Variants in KDM5A observed in about 807,000 individuals in gnomAD.
KDM5A encodes the protein lysine demethylase 5A, also known as lysine-specific demethylase 5A.
A neutral mutation model predicts 193.5 loss-of-function variants in KDM5A; 42 were observed. That is an observed-to-expected ratio of 0.22 (90% CI 0.17 to 0.28). The LOEUF (loss-of-function observed/expected upper bound fraction) is 0.28. Among genes scored for constraint, KDM5A ranks in the 10% least tolerant of loss-of-function variants. The probability of loss-of-function intolerance (pLI) is 1.00; values close to 1 mark genes in which losing one functional copy is unlikely to be tolerated. For synonymous variants in KDM5A, 796 were observed against 718.1 expected (o/e 1.11, Z -1.73); for missense variants, 1,692 against 2,055.1 (o/e 0.82, Z 3.42).
Position 348,080 on chromosome 12 carries a change from A to G in KDM5A, c.1308+2541T>C, listed in dbSNP as rs547500317. On this transcript the variant is annotated intron_variant, in intron 10 of 27. Coordinates refer to ENST00000399788, the MANE Select transcript of KDM5A (RefSeq NM_001042603.3). ...ACAAATTTACAAGAAAAAAACAAAC[A>G]ACCCCATCAAAAAGTGGGCAAAGGA... Among the ~76,000 whole-genome samples, 18 of 152,272 alleles carry G rather than the reference A, an allele frequency of 1.2e-4. No homozygotes were observed. The East Asian group carries it at 1.7e-3, about 15-fold the overall frequency.
At chr12:287,447 A>G (rs1943232752) in intron 27 of KDM5A, among the ~76,000 whole-genome samples, 1 of 152,086 alleles carries the variant, frequency 6.6e-6, no homozygotes, top group Non-Finnish European at 1.5e-5. Context: ...AAGTCTGTGC[A>G]ATAAAAAAAC....
chr12:338,603 T>G (rs903391581), intron 10 of KDM5A, among the ~76,000 whole-genome samples: 1 of 152,202 alleles, frequency 6.6e-6, no homozygotes, highest in Admixed American at 6.5e-5. Context: ...AACCTGGGAA[T>G]GGTCTTGGAG....
chr12:378,185 A>C (rs1290819885), intron 3 of KDM5A, among the ~76,000 whole-genome samples: 2 of 152,192 alleles, frequency 1.3e-5, no homozygotes, highest in African/African-American at 4.8e-5. Context: ...TCAAAATCAG[A>C]AACAGCTAAA....
At chr12:361,153 C>A (rs923387643) in intron 5 of KDM5A, among the ~76,000 whole-genome samples, 1 of 151,982 alleles carries the variant, frequency 6.6e-6, no homozygotes, top group Non-Finnish European at 1.5e-5. Context: ...AATACAGTGA[C>A]AACTATCACA....
At chr12:382,330 C>T (rs1205228062) in intron 3 of KDM5A, among the ~76,000 whole-genome samples, 2 of 151,750 alleles carry the variant, frequency 1.3e-5, no homozygotes, top group African/African-American at 4.8e-5. Flanking sequence ...ATTTGGGAGG[C>T]CAAGGCAGGA....
intron 14 of KDM5A, among the ~76,000 whole-genome samples, chr12:327,606 G>C (rs1943807783): frequency 6.6e-6 from 1 of 152,170 alleles, no homozygotes; most frequent in Admixed American, 6.5e-5. Flanking sequence ...CTACTTGGTA[G>C]GCTAAGGCAG....
In KDM5A at chr12:307,936, C is replaced by G; in HGVS notation, c.3448G>C (p.Ala1150Pro). Residue 1150 changes from alanine (A) to proline (P), a missense_variant, in exon 23 of 28, where the codon GCC becomes CCC. Around this residue, in one of 11 missense-constraint regions of KDM5A, gnomAD observed 965 missense variants for 1,061.0 expected, o/e 0.91. Coordinates refer to ENST00000399788, the MANE Select transcript of KDM5A (RefSeq NM_001042603.3). This position sits in a 1 kb window ranked among gnomAD's most constrained non-coding sequence, Gnocchi z 4.3. The part of the protein sequence containing the change: ...AMHSLRAANL[A>P]KMTMVDRIEE... ...ATGCGGTCCACCATTGTCATCTTGG[C>G]TAGGTTGGCTGCTCTGAGAGAATGC... 6.2e-7 allele frequency: 1 copy of G among 1,614,156 alleles called. No homozygotes were observed. Among genetic ancestry groups the G allele is most frequent in the South Asian group, 1.1e-5 (1 of 91,080 alleles).
At position 310,924 on chromosome 12, in the gene KDM5A, C is replaced by T; in HGVS notation, c.3177G>A (p.Arg1059=). 1 of 1,614,202 alleles carries T rather than the reference C, an allele frequency of 6.2e-7. No individual in the cohort carries two copies. The highest frequency in any genetic ancestry group is 8.5e-7 in the Non-Finnish European group (1 of 1,180,022). ...AARAWRERTG[R]TFLKKNSSHT... Reference sequence around the variant, plus strand: ...GGCTAGAATTCTTCTTAAGAAACGTCCGCCCAGTCCGTTCTCTCCATGCCC... The same window carrying T: ...GGCTAGAATTCTTCTTAAGAAACGTTCGCCCAGTCCGTTCTCTCCATGCCC... Residue 1059 remains arginine, a synonymous_variant, in exon 21 of 28, where the codon CGG becomes CGA. Transcript: ENST00000399788.
chr12:331,972 AAAAAAT>A, intron 12 of KDM5A, 34 bp from the exon 13 acceptor site: 2 of 1,600,340 alleles, frequency 1.2e-6, no homozygotes, highest in Non-Finnish European at 1.7e-6. Flanking sequence ...ATACAAAAAT[AAAAAAT>A]AAAAATAACA....
Position 283,884 on chromosome 12 carries a change from TAAG to T in KDM5A, c.*1569_*1571del, listed in dbSNP as rs1485597137. The T allele has an allele frequency of 2.1e-5, 5 of 232,982 alleles. No homozygotes were observed. The highest frequency in any genetic ancestry group is 1.8e-4 in the South Asian group (1 of 5,510). The allele number at this position is 232,982 out of a possible 1,614,324, so 14.4% of individuals were successfully genotyped here. On this transcript the variant is annotated 3_prime_UTR_variant, in exon 28 of 28. Transcript: ENST00000399788. Reference sequence around the variant, plus strand: ...TTTACATACAGCTTACCTAATACCTTAAGAAGAACAGAGAACACAACAGGAGGG... The same window carrying T: ...TTTACATACAGCTTACCTAATACCTTAAGAACAGAGAACACAACAGGAGGG...
In KDM5A at chr12:333,546, G is replaced by T. The variant is rs754959640; in HGVS notation, c.1594C>A (p.Leu532Ile). 6.2e-7 allele frequency: 1 copy of T among 1,614,182 alleles called. No individual in the cohort carries two copies. The stretch of plus-strand genomic sequence containing the variant: ...ATGATGGTAACTAACTGATGCAGAA[G>T]ATCAGGCTGGGATTCAAATAACTCG... ...APELFESQPD[L>I]LHQLVTIMNP... The change falls in exon 12 of 28, where the codon CTT becomes ATT. Residue 532 changes from leucine to isoleucine, a missense_variant. Physicochemically the swap from Leu to Ile is conservative, Grantham distance 5. This residue lies in a region of KDM5A where 172 missense variants were observed against 260.3 expected (regional missense o/e 0.66). Coordinates refer to ENST00000399788, the MANE Select transcript of KDM5A (RefSeq NM_001042603.3).
intron 10 of KDM5A, among the ~76,000 whole-genome samples, chr12:347,824 A>G (rs944910537): frequency 5.3e-5 from 8 of 152,014 alleles, no homozygotes; most frequent in African/African-American, 1.9e-4. Flanking sequence ...AAGAAAACCT[A>G]GGCAATACCA....
chr12:370,612 T>G (rs1170975534), intron 3 of KDM5A, among the ~76,000 whole-genome samples: 1 of 141,436 alleles, frequency 7.1e-6, no homozygotes, highest in African/African-American at 2.8e-5. Context: ...GAACAGAGAC[T>G]TTTTTTTTTT....
At chr12:347,444 C>G (rs903960333) in intron 10 of KDM5A, among the ~76,000 whole-genome samples, 1 of 152,114 alleles carries the variant, frequency 6.6e-6, no homozygotes, top group Admixed American at 6.6e-5. Context: ...AAAAAGAGCC[C>G]GCATTGCCAA....
chr12:360,683 T>C (rs1471922360), intron 5 of KDM5A, among the ~76,000 whole-genome samples: 1 of 152,210 alleles, frequency 6.6e-6, no homozygotes, highest in Non-Finnish European at 1.5e-5. Context: ...ACTAAACAGA[T>C]GTTGAGGAAA....
intron 3 of KDM5A, among the ~76,000 whole-genome samples, chr12:371,812 T>C (rs1311630484): frequency 6.6e-6 from 1 of 152,232 alleles, no homozygotes; most frequent in Non-Finnish European, 1.5e-5. Flanking sequence ...GTTTCAGCTT[T>C]CTACATATGG....
chr12:333,429 A>G, intron 12 of KDM5A, 58 bp downstream of exon 12: 1 of 1,598,836 alleles, frequency 6.3e-7, no homozygotes, highest in Non-Finnish European at 8.6e-7. Flanking sequence ...AAAAAAAAAG[A>G]AAAAAGAAAA....
intron 3 of KDM5A, among the ~76,000 whole-genome samples, chr12:367,398 T>C (rs1226381900): frequency 6.6e-6 from 1 of 151,436 alleles, no homozygotes; most frequent in African/African-American, 2.4e-5. Flanking sequence ...CAAAAAAATT[T>C]AAAAATTAGC....
At chr12:344,639 A>G (rs1446744688) in intron 10 of KDM5A, among the ~76,000 whole-genome samples, 2 of 152,348 alleles carry the variant, frequency 1.3e-5, no homozygotes, top group Admixed American at 6.5e-5. Context: ...AGAATTTTCA[A>G]CTCAGAATTT....
Sources: gnomAD v4.1 joint callset for allele counts (sites outside exome capture counted in the v4.1 genomes callset) on GRCh38, gnomAD v4.1.1 for gene constraint, gnomAD v4.1.1 regional missense constraint, Gnocchi (gnomAD v3.1) non-coding constraint, MANE v1.5 for transcripts, NCBI Gene and HGNC (gene_info 2026-07-23, HGNC 2026-07-21) for gene names.